MBD5: variants seen among roughly 807,000 people sequenced by gnomAD.
MBD5 encodes the protein methyl-CpG-binding domain protein 5.
In MBD5, 13 loss-of-function variants were observed where a neutral mutation model predicts 117.3. The ratio of observed to expected loss-of-function variants is 0.11; its 90% CI spans 0.07 to 0.18. The LOEUF (loss-of-function observed/expected upper bound fraction) is 0.18, where lower values mean the gene tolerates loss of function less well. MBD5 is among the 10% of genes least tolerant of loss of function. The pLI is 1.00. For missense variants in MBD5, 1,879 were observed against 2,093.8 expected (o/e 0.90, Z 2.00); for synonymous variants, 727 against 766.4 (o/e 0.95, Z 0.85).
intron 1 of MBD5, among the ~76,000 whole-genome samples, chr2:148,065,026 T>C (rs1199564734): frequency 6.6e-6 from 1 of 152,144 alleles, no homozygotes. Context: ...GGGGAGATTC[T>C]TCCCTGCTTT....
At chr2:148,432,080 A>G (rs1433156591) in intron 4 of MBD5, among the ~76,000 whole-genome samples, 1 of 151,990 alleles carries the variant, frequency 6.6e-6, no homozygotes, top group African/African-American at 2.4e-5. Context: ...TTGGTGTCAG[A>G]TGGTATCTTC....
intron 3 of MBD5, among the ~76,000 whole-genome samples, chr2:148,312,416 T>C (rs187893546): frequency 1.4e-3 from 210 of 152,314 alleles, no homozygotes; most frequent in Non-Finnish European, 2.3e-3. Context: ...CAATCTCTGA[T>C]ATCCTTTCTT....
intron 3 of MBD5, among the ~76,000 whole-genome samples, chr2:148,328,946 G>A: frequency 6.6e-6 from 1 of 152,046 alleles, no homozygotes; most frequent in East Asian, 1.9e-4. Context: ...ATTGTTTTCT[G>A]TCTTTTGAAA....
chr2:148,229,884 A>G (rs10928388), intron 2 of MBD5, among the ~76,000 whole-genome samples: 91,956 of 151,866 alleles, frequency 0.61, 28,005 homozygotes, highest in East Asian at 0.71. Context: ...CCCCACCCCC[A>G]TCTCTGTCTC....
At chr2:148,345,120 C>T (rs1356784751) in intron 4 of MBD5, among the ~76,000 whole-genome samples, 2 of 151,208 alleles carry the variant, frequency 1.3e-5, no homozygotes, top group African/African-American at 4.9e-5. Flanking sequence ...ATGGGGGAGG[C>T]AGTTTGGAGT....
At chr2:148,151,360 A>T (rs1437695484) in intron 1 of MBD5, among the ~76,000 whole-genome samples, 5 of 151,484 alleles carry the variant, frequency 3.3e-5, no homozygotes, top group Non-Finnish European at 7.4e-5. Context: ...TTTATTGAGG[A>T]TTTTTGCATC....
intron 2 of MBD5, among the ~76,000 whole-genome samples, chr2:148,222,898 A>G (rs1574154961): frequency 6.6e-6 from 1 of 152,076 alleles, no homozygotes; most frequent in African/African-American, 2.4e-5. Flanking sequence ...GTATGATGCT[A>G]GCTGTGAGTC....
At chr2:148,432,614 T>A (rs1291761930) in intron 4 of MBD5, among the ~76,000 whole-genome samples, 1 of 152,182 alleles carries the variant, frequency 6.6e-6, no homozygotes, top group Non-Finnish European at 1.5e-5. Flanking sequence ...CAACATTTAT[T>A]GAATGGGGAA....
intron 2 of MBD5, among the ~76,000 whole-genome samples, chr2:148,227,433 G>A (rs1001729755): frequency 7.2e-5 from 11 of 152,280 alleles, no homozygotes; most frequent in Non-Finnish European, 1.5e-4. Flanking sequence ...TAGATACGCG[G>A]CATTATTTCT....
chr2:148,150,898 T>G (rs570075854), intron 1 of MBD5, among the ~76,000 whole-genome samples: 83 of 152,264 alleles, frequency 5.5e-4, no homozygotes, highest in African/African-American at 1.9e-3. Context: ...CAGGGACAAT[T>G]TGGCTTCCTC....
At chr2:148,112,222 C>T (rs1696518580) in intron 1 of MBD5, among the ~76,000 whole-genome samples, 1 of 152,120 alleles carries the variant, frequency 6.6e-6, no homozygotes, top group Non-Finnish European at 1.5e-5. Context: ...TTCTCCTAGC[C>T]TATATAAGAA....
chr2:148,317,250 T>A (rs1702176422), intron 3 of MBD5, among the ~76,000 whole-genome samples: 1 of 151,846 alleles, frequency 6.6e-6, no homozygotes, highest in Admixed American at 6.6e-5. Flanking sequence ...ATGCCTGTAA[T>A]CCCAGCTACT....
At chr2:148,067,310 T>C (rs112184638) in intron 1 of MBD5, among the ~76,000 whole-genome samples, 2,451 of 152,312 alleles carry the variant, frequency 0.016, 22 homozygotes, top group Non-Finnish European at 0.025. Flanking sequence ...TAACAGCCAC[T>C]CAGCAATTGT....
intron 3 of MBD5, among the ~76,000 whole-genome samples, chr2:148,303,361 GA>G (rs1404932674): frequency 2.0e-5 from 3 of 152,208 alleles, no homozygotes; most frequent in African/African-American, 7.2e-5. Context: ...AGTTGGTAGG[GA>G]AAAGTCTGTG....
intron 4 of MBD5, among the ~76,000 whole-genome samples, chr2:148,408,788 G>T (rs1349493763): frequency 6.6e-6 from 1 of 151,924 alleles, no homozygotes; most frequent in East Asian, 1.9e-4. Context: ...AAAATATTTG[G>T]AAAAGAAAAT....
chr2:148,236,812 A>G (rs1700100861), intron 3 of MBD5, among the ~76,000 whole-genome samples: 1 of 152,132 alleles, frequency 6.6e-6, no homozygotes, highest in South Asian at 2.1e-4. Flanking sequence ...AGTTACGAAA[A>G]TCCCAGGTGG....
At chr2:148,102,376 T>G (rs1696238130) in intron 1 of MBD5, among the ~76,000 whole-genome samples, 1 of 152,174 alleles carries the variant, frequency 6.6e-6, no homozygotes, top group African/African-American at 2.4e-5. Flanking sequence ...ATTTGTTACC[T>G]CATTTAATCC....
chr2:148,198,804 A>G (rs1297579333), intron 2 of MBD5, among the ~76,000 whole-genome samples: 1 of 152,058 alleles, frequency 6.6e-6, no homozygotes, highest in South Asian at 2.1e-4. Flanking sequence ...GCTATGAGCT[A>G]TATTAAACAC....
intron 1 of MBD5, among the ~76,000 whole-genome samples, chr2:148,032,373 G>T (rs930966961): frequency 6.6e-6 from 1 of 152,136 alleles, no homozygotes; most frequent in African/African-American, 2.4e-5. Context: ...TTTAGAAGGA[G>T]AATTTACTCA....
Sources: gnomAD v4.1 joint callset for allele counts (sites outside exome capture counted in the v4.1 genomes callset) on GRCh38, gnomAD v4.1.1 for gene constraint, MANE v1.5 for transcripts, NCBI Gene and HGNC (gene_info 2026-07-23, HGNC 2026-07-21) for gene names.